PRICKLE1: variants seen among roughly 807,000 people sequenced by gnomAD.
The protein encoded by PRICKLE1 is prickle-like protein 1.
Under a neutral mutation model 70.2 loss-of-function variants are expected in PRICKLE1, and 14 were observed. The observed-to-expected ratio is 0.20, with a 90% CI of 0.13 to 0.31. The LOEUF (loss-of-function observed/expected upper bound fraction) is 0.31, where lower values mean the gene tolerates loss of function less well. Ranked by LOEUF, PRICKLE1 falls within the 10% of genes least tolerant of loss-of-function variation. PRICKLE1 has a pLI of 1.00. For missense variants in PRICKLE1, 821 were observed against 1,026.2 expected (o/e 0.80, Z 2.73); for synonymous variants, 357 against 379.9 (o/e 0.94, Z 0.70).
In PRICKLE1 at chr12:42,524,239, T is replaced by C. The variant is rs570620152; in HGVS notation, c.-48-51675A>G. Among the ~76,000 whole-genome samples the C allele has an allele frequency of 1.8e-4, 28 of 152,298 alleles. No individual in the cohort carries two copies. The South Asian group carries it at 5.8e-3, about 32-fold the overall frequency. On this transcript the variant is annotated intron_variant, in intron 1 of 7. Transcript: ENST00000345127. The stretch of plus-strand genomic sequence containing the variant: ...ATATTATAGAAAAATAAAAGGACAG[T>C]AAGTCCAAGCATCTACATTTTAGCT...
intron 1 of PRICKLE1, among the ~76,000 whole-genome samples, chr12:42,477,417 T>C (rs1210293165): frequency 7.8e-6 from 1 of 128,652 alleles, no homozygotes; most frequent in African/African-American, 2.9e-5. Context: ...ATATTATATA[T>C]ATGTATATAC....
chr12:42,554,357 G>A (rs1940378164), intron 1 of PRICKLE1, among the ~76,000 whole-genome samples: 1 of 152,114 alleles, frequency 6.6e-6, no homozygotes, highest in Non-Finnish European at 1.5e-5. Context: ...AAAGGAAAAA[G>A]TAAAATAACC....
Position 42,474,187 on chromosome 12 carries a change from G to A in PRICKLE1, c.-48-1623C>T, listed in dbSNP as rs187072265. Among the ~76,000 whole-genome samples the A allele has an allele frequency of 3.7e-3, 563 of 152,268 alleles. 5 individuals carry two copies. The highest frequency in any genetic ancestry group is 0.013 in the African/African-American group (542 of 41,570). On this transcript the variant is annotated intron_variant, in intron 1 of 7. Transcript: ENST00000345127. ...CTCGGGAGGCTGAGGCAGGAGAATC[G>A]CTTGAAACCGGGAGGCGGAGGTTGC...
intron 2 of PRICKLE1, among the ~76,000 whole-genome samples, chr12:42,471,185 T>C (rs888659968): frequency 3.9e-5 from 6 of 152,202 alleles, no homozygotes; most frequent in African/African-American, 1.4e-4. Flanking sequence ...TCTGAATACC[T>C]GAAGTCAGCC....
intron 5 of PRICKLE1, 90 bp downstream of exon 5, chr12:42,468,536 A>T: frequency 8.6e-7 from 1 of 1,165,406 alleles, no homozygotes; most frequent in Admixed American, 1.8e-5. Context: ...AAATCCAGGA[A>T]ATTTTAGTAT....
chr12:42,472,483 GT>G lies in PRICKLE1; in HGVS notation c.33del (p.Lys11AsnfsTer30). 1 of 1,614,194 alleles carries G rather than the reference GT, an allele frequency of 6.2e-7. No individual in the cohort carries two copies. The highest frequency in any genetic ancestry group is 8.5e-7 in the Non-Finnish European group (1 of 1,180,034). MPLEMEPKMS[K>X]LAFGCQRSST... ...GAACTTCTCTGACAGCCAAAGGCCA[GT>G]TTGCTCATCTTGGGCTCCATCTCCA... On this transcript the variant is annotated frameshift_variant, in exon 2 of 8. Transcript: ENST00000345127. LOFTEE classifies it high-confidence loss of function.
intron 1 of PRICKLE1, among the ~76,000 whole-genome samples, chr12:42,526,837 C>T (rs543142605): frequency 2.0e-5 from 3 of 151,362 alleles, no homozygotes; most frequent in East Asian, 1.9e-4. Flanking sequence ...ATAATGATGA[C>T]GACGATGATG....
intron 1 of PRICKLE1, among the ~76,000 whole-genome samples, chr12:42,488,717 C>T (rs75624926): frequency 0.038 from 5,794 of 152,076 alleles, 365 homozygotes; most frequent in African/African-American, 0.13. Flanking sequence ...CCCCAGTATA[C>T]AGTATAATCA....
intron 1 of PRICKLE1, among the ~76,000 whole-genome samples, chr12:42,481,183 A>G (rs1938778909): frequency 6.6e-6 from 1 of 152,202 alleles, no homozygotes; most frequent in Admixed American, 6.5e-5. Context: ...AATCAGATAC[A>G]TATTGAGGTT....
intron 1 of PRICKLE1, among the ~76,000 whole-genome samples, chr12:42,527,124 T>TTC (rs1428790443): frequency 2.6e-5 from 3 of 114,332 alleles, no homozygotes; most frequent in African/African-American, 1.0e-4. Context: ...TTTTTTTTTT[T>TTC]CCTCTTTTTT....
At chr12:42,501,639 C>A (rs540417057) in intron 1 of PRICKLE1, among the ~76,000 whole-genome samples, 7 of 151,752 alleles carry the variant, frequency 4.6e-5, no homozygotes, top group Admixed American at 4.6e-4. Flanking sequence ...CTGATTCCTA[C>A]GAATATCTTT....
chr12:42,502,492 T>C (rs1939333554), intron 1 of PRICKLE1, among the ~76,000 whole-genome samples: 1 of 151,744 alleles, frequency 6.6e-6, no homozygotes. Context: ...ATTTTTTTTG[T>C]AGAGACAGGT....
At chr12:42,530,395 C>T (rs1939889909) in intron 1 of PRICKLE1, among the ~76,000 whole-genome samples, 1 of 151,952 alleles carries the variant, frequency 6.6e-6, no homozygotes, top group Non-Finnish European at 1.5e-5. Flanking sequence ...TAAAACATTC[C>T]CCCTAAATTA....
chr12:42,478,058 A>G (rs933198846), intron 1 of PRICKLE1, among the ~76,000 whole-genome samples: 1 of 151,584 alleles, frequency 6.6e-6, no homozygotes, highest in Non-Finnish European at 1.5e-5. Context: ...ACCCAGACTC[A>G]TCAATGGTTT....
chr12:42,549,941 C>T (rs1412200688), intron 1 of PRICKLE1, among the ~76,000 whole-genome samples: 1 of 152,224 alleles, frequency 6.6e-6, no homozygotes, highest in African/African-American at 2.4e-5. Flanking sequence ...CTTTACTATA[C>T]TAACAACTTG....
chr12:42,581,803 A>G (rs1331840622), intron 1 of PRICKLE1, among the ~76,000 whole-genome samples: 1 of 152,080 alleles, frequency 6.6e-6, no homozygotes. Flanking sequence ...CACAGGCAGC[A>G]TAAACAGTAA....
At chr12:42,523,001 G>A (rs577230323) in intron 1 of PRICKLE1, among the ~76,000 whole-genome samples, 45 of 146,354 alleles carry the variant, frequency 3.1e-4, no homozygotes, top group Admixed American at 1.9e-3. Context: ...CCGCTCTGTC[G>A]CCCAGGCTGG....
chr12:42,556,751 T>C (rs942341359), intron 1 of PRICKLE1, among the ~76,000 whole-genome samples: 1 of 152,218 alleles, frequency 6.6e-6, no homozygotes, highest in South Asian at 2.1e-4. Context: ...TTCCAATATA[T>C]GTACATGCCT....
At chr12:42,573,104 C>T (rs535603268) in intron 1 of PRICKLE1, among the ~76,000 whole-genome samples, 4 of 152,222 alleles carry the variant, frequency 2.6e-5, no homozygotes, top group East Asian at 1.9e-4. Context: ...GGTTTCTGAT[C>T]GCTAATCAGA....
Sources: gnomAD v4.1 joint callset for allele counts (sites outside exome capture counted in the v4.1 genomes callset) on GRCh38, gnomAD v4.1.1 for gene constraint, MANE v1.5 for transcripts, NCBI Gene and HGNC (gene_info 2026-07-23, HGNC 2026-07-21) for gene names.